Variants in TSGA10IP observed in about 807,000 individuals in gnomAD.
TSGA10IP encodes the protein testis-specific protein 10-interacting protein.
A neutral mutation model predicts 63.2 loss-of-function variants in TSGA10IP; 64 were observed. The ratio of observed to expected loss-of-function variants is 1.01; its 90% CI spans 0.83 to 1.25. The LOEUF (loss-of-function observed/expected upper bound fraction) is 1.25, where lower values mean the gene tolerates loss of function less well. Among genes scored for constraint, TSGA10IP ranks in the 50% most tolerant of loss-of-function variants. TSGA10IP has a pLI of 0.00. For missense variants in TSGA10IP, 681 were observed against 710.1 expected (o/e 0.96, Z 0.47); for synonymous variants, 316 against 298.3 (o/e 1.06, Z -0.61).
intron 4 of TSGA10IP, among the ~76,000 whole-genome samples, chr11:65,951,327 A>C (rs1854937825): frequency 6.6e-6 from 1 of 152,068 alleles, no homozygotes; most frequent in Admixed American, 6.6e-5. Context: ...AACAGTAAAC[A>C]GAGATTCCCT....
Position 65,953,559 on chromosome 11 carries a change from C to G in TSGA10IP, c.1152-8C>G. On this transcript the variant is annotated splice_region_variant and splice_polypyrimidine_tract_variant and intron_variant, in intron 4 of 7. Transcript: ENST00000532620. ...AACCTCTCATTCCCCTTCCCTTTCT[C>G]ACCCAAGGAGCCTGCTGCAGGCCTG... 6.4e-7 allele frequency: 1 copy of G among 1,566,686 alleles called. No individual in the cohort carries two copies. Among genetic ancestry groups the G allele is most frequent in the Non-Finnish European group, 8.6e-7 (1 of 1,159,416 alleles).
At position 65,958,926 on chromosome 11, in the gene TSGA10IP, C is replaced by T. The variant is rs563789426; in HGVS notation, c.1366C>T (p.Gln456Ter). Residue 456 changes from glutamine (Q) to a stop codon, truncating the protein, a stop_gained, in exon 6 of 8, where the codon CAA becomes TAA. Coordinates refer to ENST00000532620, the Ensembl canonical transcript of TSGA10IP. LOFTEE classifies it high-confidence loss of function. ...CTTTGCTGAGTACCAGGCGGAGCTG[C>T]AAGGCATCCAGCACAGGGTGCAGGC... is the stretch of plus-strand genomic sequence containing the variant. 2 of 1,613,222 alleles carry T rather than the reference C, an allele frequency of 1.2e-6. No individual in the cohort carries two copies. Among genetic ancestry groups the T allele is most frequent in the Non-Finnish European group, 1.7e-6 (2 of 1,179,866 alleles).
chr11:65,958,664 A>G (rs1855065318), intron 5 of TSGA10IP, among the ~76,000 whole-genome samples: 1 of 152,192 alleles, frequency 6.6e-6, no homozygotes, highest in Admixed American at 6.5e-5. Context: ...AACTTTGAAC[A>G]AGTCCCTCAA....
chr11:65,947,584 A>T (rs756746881), exon 3 of TSGA10IP: 1 of 1,613,876 alleles, frequency 6.2e-7, no homozygotes, highest in Non-Finnish European at 8.5e-7. Flanking sequence ...CAGAGGCCAC[A>T]GAGGAGGCTG....
chr11:65,948,121 C>T (rs1274896656), exon 4 of TSGA10IP: 7 of 1,603,194 alleles, frequency 4.4e-6, no homozygotes, highest in South Asian at 2.3e-5. Context: ...CCTAATCGCA[C>T]CTTCCACAAA....
chr11:65,959,353 G>A (rs1346791138), intron 7 of TSGA10IP, 39 bp downstream of exon 7: 5 of 1,604,560 alleles, frequency 3.1e-6, no homozygotes, highest in Non-Finnish European at 4.2e-6. Context: ...ACTCTGCCAT[G>A]CTGCTGCGGG....
At position 65,947,967 on chromosome 11, in the gene TSGA10IP, A is replaced by C. The variant is rs776323804; in HGVS notation, c.1004-34A>C. 3.9e-6 allele frequency: 6 copies of C among 1,542,516 alleles called. No individual in the cohort carries two copies. In the East Asian group the frequency reaches 1.5e-4, roughly 38 times the overall value. On this transcript the variant is annotated intron_variant, in intron 3 of 7. Coordinates refer to ENST00000532620, the Ensembl canonical transcript of TSGA10IP. ...CGTTGCCTGGTGGGCTGAGAGGGAG[A>C]GGGCAGCCCCTGACTTGGTCCCACT...
At chr11:65,951,126 A>G (rs1489170016) in intron 4 of TSGA10IP, among the ~76,000 whole-genome samples, 3 of 152,158 alleles carry the variant, frequency 2.0e-5, no homozygotes, top group East Asian at 1.9e-4. Context: ...GGTTGATCTC[A>G]TATCTTTGCT....
chr11:65,959,407 C>G, intron 7 of TSGA10IP, 93 bp downstream of exon 7: 1 of 1,523,014 alleles, frequency 6.6e-7, no homozygotes, highest in South Asian at 1.2e-5. Flanking sequence ...AGGGCCTCCC[C>G]CAGGACAGGC....
Position 65,948,154 on chromosome 11 carries a change from A to G in TSGA10IP, c.1151+6A>G, listed in dbSNP as rs760480351. ...AAACGACAGGAAGCCACCAGGTAAG[A>G]GGGAAGAGAAGGGAGTGGGAGCCCA... On this transcript the variant is annotated splice_donor_region_variant and intron_variant, in intron 4 of 7. Transcript: ENST00000532620. The G allele has an allele frequency of 5.0e-6, 8 of 1,599,708 alleles. No homozygotes were observed. Among genetic ancestry groups the G allele is most frequent in the Non-Finnish European group, 6.8e-6 (8 of 1,173,426 alleles).
exon 3 of TSGA10IP, chr11:65,947,776 G>A: frequency 1.3e-6 from 2 of 1,584,440 alleles, no homozygotes; most frequent in African/African-American, 1.3e-5. Flanking sequence ...AGCTGCAGGG[G>A]CCATGGGACC....
chr11:65,953,739 T>C lies in TSGA10IP; in HGVS notation c.1322+2T>C. ...CCAGCGCAAGCTGGAGGAGCTGAGGTAGGGAGCCTGGGCTTCGGGAGGCCT... is the reference window on the plus strand; with the variant it reads ...CCAGCGCAAGCTGGAGGAGCTGAGGCAGGGAGCCTGGGCTTCGGGAGGCCT... On this transcript the variant is annotated splice_donor_variant, in intron 5 of 7. Transcript: ENST00000532620. LOFTEE classifies it high-confidence loss of function. The C allele has an allele frequency of 1.3e-6, 2 of 1,512,560 alleles. No homozygotes were observed. Among genetic ancestry groups the C allele is most frequent in the Non-Finnish European group, 1.8e-6 (2 of 1,138,218 alleles). The allele number at this position is 1,512,560 out of a possible 1,614,324, so 93.7% of individuals were successfully genotyped here.
At chr11:65,958,707 A>C (rs1011140942) in intron 5 of TSGA10IP, among the ~76,000 whole-genome samples, 176 bp from the exon 6 acceptor site, 3 of 152,230 alleles carry the variant, frequency 2.0e-5, no homozygotes, top group African/African-American at 7.2e-5. Context: ...TGGGTGAATA[A>C]TTTCCACCTT....
At chr11:65,945,943 G>C in intron 1 of TSGA10IP, 121 bp downstream of exon 1, 6 of 1,257,472 alleles carry the variant, frequency 4.8e-6, no homozygotes, top group Non-Finnish European at 6.6e-6. Flanking sequence ...TGAAACTCAG[G>C]GAGGCAGGAG....
In TSGA10IP at chr11:65,959,331, G is replaced by A; in HGVS notation, c.1547+17G>A. ...GAAACCCAGGTGAGTCTCCCCGTCA[G>A]GTCAAGAACTGACTCTGCCATGCTG... On this transcript the variant is annotated intron_variant, in intron 7 of 7. Coordinates refer to ENST00000532620, the Ensembl canonical transcript of TSGA10IP. 6.2e-7 allele frequency: 1 copy of A among 1,610,006 alleles called. No homozygotes were observed. Among genetic ancestry groups the A allele is most frequent in the Non-Finnish European group, 8.5e-7 (1 of 1,179,152 alleles).
Position 65,947,460 on chromosome 11 carries a change from AC to A in TSGA10IP, c.636del (p.Asp212GlufsTer18). The A allele has an allele frequency of 3.1e-6, 5 of 1,613,560 alleles. No individual in the cohort carries two copies. In the South Asian group the frequency reaches 3.3e-5, roughly 11 times the overall value. On this transcript the variant is annotated frameshift_variant, in exon 3 of 8. Coordinates refer to ENST00000532620, the Ensembl canonical transcript of TSGA10IP. LOFTEE classifies it high-confidence loss of function. ...AGGCCAGGATCAGGATCGGCGTCCG[AC>A]AAGCAGGTCCAGCTGCAAAGCCTGG...
In TSGA10IP at chr11:65,946,964, C is replaced by T. The variant is rs377282930; in HGVS notation, c.232C>T (p.Arg78Cys). 2.3e-5 allele frequency: 37 copies of T among 1,613,818 alleles called. No homozygotes were observed. The highest frequency in any genetic ancestry group is 3.3e-5 in the Admixed American group (2 of 59,984). ...CTCAAGGCAGACAGCAAAGAAGGAC[C>T]GCAAGCCCAGGGGCCAGAGCAAGAA... The change falls in exon 2 of 8, where the codon CGC becomes TGC. Residue 78 changes from arginine (R) to cysteine (C), a missense_variant. Coordinates refer to ENST00000532620, the Ensembl canonical transcript of TSGA10IP.
chr11:65,949,850 GTTTT>G (rs377116599), intron 4 of TSGA10IP, among the ~76,000 whole-genome samples: 1 of 101,702 alleles, frequency 9.8e-6, no homozygotes, highest in African/African-American at 3.9e-5. Context: ...CATTACCTCG[GTTTT>G]TTTTTTTTTT....
At chr11:65,945,547 G>T in exon 1 of TSGA10IP, 1 of 984,572 alleles carries the variant, frequency 1.0e-6, no homozygotes, top group Non-Finnish European at 1.5e-6. Flanking sequence ...GAAGGAGATT[G>T]GCCTCACATA....
Sources: gnomAD v4.1 joint callset for allele counts (sites outside exome capture counted in the v4.1 genomes callset) on GRCh38, gnomAD v4.1.1 for gene constraint, MANE v1.5 for transcripts, NCBI Gene and HGNC (gene_info 2026-07-23, HGNC 2026-07-21) for gene names.